The following ARHGAP21 variants were observed in gnomAD, a reference collection of about 807,000 sequenced individuals.
ARHGAP21 encodes Rho GTPase activating protein 21.
In ARHGAP21, 38 loss-of-function variants were observed where a neutral mutation model predicts 164.6. That is an observed-to-expected ratio of 0.23 (90% CI 0.18 to 0.30). The LOEUF is 0.30. Among genes scored for constraint, ARHGAP21 ranks in the 10% least tolerant of loss-of-function variants. The pLI is 1.00. For synonymous variants in ARHGAP21, 766 were observed against 857.9 expected, an observed-to-expected ratio of 0.89 and a Z score of 1.87; for missense variants, 1,822 against 2,370.7, an observed-to-expected ratio of 0.77 and a Z score of 4.81.
At chr10:24,684,147 C>T (rs960674595) in intron 2 of ARHGAP21, among the ~76,000 whole-genome samples, 16 of 152,078 alleles carry the variant, frequency 1.1e-4, no homozygotes, top group Non-Finnish European at 1.5e-4. Context: ...ATTAGCTGGG[C>T]GTGGTGGTGC....
At chr10:24,675,818 T>C (rs545215731) in intron 2 of ARHGAP21, among the ~76,000 whole-genome samples, 1 of 152,258 alleles carries the variant, frequency 6.6e-6, no homozygotes, top group African/African-American at 2.4e-5. Flanking sequence ...CAAAAAGATA[T>C]ATATGTGCGC....
chr10:24,712,796 G>A (rs926880361), intron 2 of ARHGAP21, among the ~76,000 whole-genome samples: 4 of 152,050 alleles, frequency 2.6e-5, no homozygotes, highest in Admixed American at 6.6e-5. Flanking sequence ...TGATATGAAC[G>A]GGGTGCCCAG....
rs141394853 is a variant in ARHGAP21, at chr10:24,645,444, T to C, written c.269-10341A>G. Among the ~76,000 whole-genome samples, 23 of 151,740 alleles carry C rather than the reference T, an allele frequency of 1.5e-4. No individual in the cohort carries two copies. In the East Asian group the frequency reaches 3.1e-3, roughly 21 times the overall value. On this transcript the variant is annotated intron_variant, in intron 4 of 25. Coordinates refer to ENST00000396432, the MANE Select transcript of ARHGAP21 (RefSeq NM_020824.4). ...AAAAAAAATACAAAAATTAGCAGGG[T>C]GTGGTGATGAGCGCCTGTAGTCCCA...
At chr10:24,607,643 G>T (rs1201900981) in intron 10 of ARHGAP21, 42 bp from the exon 11 acceptor site, 13 of 1,610,280 alleles carry the variant, frequency 8.1e-6, no homozygotes, top group Non-Finnish European at 1.0e-5. Context: ...TTCACAAGTG[G>T]TTCCCAGATT....
intron 2 of ARHGAP21, among the ~76,000 whole-genome samples, chr10:24,690,388 C>T (rs977150991): frequency 6.6e-6 from 1 of 152,142 alleles, no homozygotes; most frequent in Admixed American, 6.5e-5. Context: ...ATATTCCAGC[C>T]AACACTGAGT....
chr10:24,693,992 G>C (rs1049587527), intron 2 of ARHGAP21, among the ~76,000 whole-genome samples: 18 of 152,108 alleles, frequency 1.2e-4, no homozygotes, highest in African/African-American at 4.1e-4. Context: ...CCAGCACAGT[G>C]GTCAGGACAA....
intron 9 of ARHGAP21, 116 bp downstream of exon 9, chr10:24,619,357 A>C (rs1324369734): frequency 2.9e-6 from 3 of 1,050,128 alleles, no homozygotes; most frequent in Middle Eastern, 2.6e-4. Context: ...GATTCACTAG[A>C]AACATTTTAA....
chr10:24,630,986 T>C (rs962317159), intron 6 of ARHGAP21, among the ~76,000 whole-genome samples: 1 of 152,234 alleles, frequency 6.6e-6, no homozygotes, highest in Non-Finnish European at 1.5e-5. Flanking sequence ...TTATTTTGGT[T>C]CTGTAAATTT....
At chr10:24,631,223 A>G (rs1835822722) in intron 6 of ARHGAP21, among the ~76,000 whole-genome samples, 1 of 152,026 alleles carries the variant, frequency 6.6e-6, no homozygotes, top group Admixed American at 6.6e-5. Flanking sequence ...AATTAGCTGG[A>G]CGTGGTGGCA....
chr10:24,620,844 A>G lies in ARHGAP21; in HGVS notation c.1051T>C (p.Tyr351His). 8.1e-6 allele frequency: 13 copies of G among 1,614,034 alleles called. No individual in the cohort carries two copies. The highest frequency in any genetic ancestry group is 1.1e-5 in the Non-Finnish European group (13 of 1,179,940). Reference protein sequence around the residue: ...PSGILLKSGNYSGHSDGISSS... With the variant: ...PSGILLKSGNHSGHSDGISSS... ...GAGATTCCATCAGAATGTCCACTGT[A>G]ATTTCCAGACTTAAGTAAAATTCCA... is the stretch of plus-strand genomic sequence containing the variant. The change falls in exon 9 of 26, where the codon TAC (tyrosine) becomes CAC (histidine). Residue 351 changes from tyrosine (Y) to histidine (H), a missense_variant. By Grantham distance (83) the Tyr-to-His change is moderately conservative. Coordinates refer to ENST00000396432, the MANE Select transcript of ARHGAP21 (RefSeq NM_020824.4).
intron 4 of ARHGAP21, among the ~76,000 whole-genome samples, chr10:24,659,864 T>G (rs1338032812): frequency 6.6e-6 from 1 of 152,224 alleles, no homozygotes; most frequent in Non-Finnish European, 1.5e-5. Flanking sequence ...TGAGTTGTAG[T>G]CCAGTTCTGC....
chr10:24,704,289 CT>C (rs201080039), intron 2 of ARHGAP21, among the ~76,000 whole-genome samples: 1,373 of 125,964 alleles, frequency 0.011, 7 homozygotes, highest in African/African-American at 0.015. Context: ...TTTTTCTTTT[CT>C]TTTTTTTTTT....
intron 2 of ARHGAP21, among the ~76,000 whole-genome samples, chr10:24,685,762 G>C (rs1842156155): frequency 6.6e-6 from 1 of 152,154 alleles, no homozygotes; most frequent in South Asian, 2.1e-4. Context: ...AGTAATCCCA[G>C]CTACTCAGGA....
chr10:24,649,109 C>T lies in ARHGAP21; in HGVS notation c.269-14006G>A, dbSNP rs569022784. On this transcript the variant is annotated intron_variant, in intron 4 of 25. Coordinates refer to ENST00000396432, the MANE Select transcript of ARHGAP21 (RefSeq NM_020824.4). ...AAATATTACCCATAATAGCAAACTA[C>T]AGATAACTTGGTAATTTTATTATAA... Among the ~76,000 whole-genome samples, 4 of 152,296 alleles carry T rather than the reference C, an allele frequency of 2.6e-5. No individual in the cohort carries two copies. The East Asian group carries it at 7.7e-4, about 29-fold the overall frequency.
chr10:24,606,180 A>T (rs576833575), intron 11 of ARHGAP21, among the ~76,000 whole-genome samples: 11 of 152,174 alleles, frequency 7.2e-5, no homozygotes, highest in Non-Finnish European at 1.5e-4. Context: ...ATACAATATG[A>T]CTCAAAATTC....
intron 2 of ARHGAP21, among the ~76,000 whole-genome samples, chr10:24,682,877 C>T (rs1051100445): frequency 6.6e-6 from 1 of 151,772 alleles, no homozygotes; most frequent in African/African-American, 2.4e-5. Context: ...AGGCGGATCA[C>T]GAGGTCAGGA....
chr10:24,672,095 C>T (rs576685534), intron 2 of ARHGAP21, among the ~76,000 whole-genome samples: 7 of 151,770 alleles, frequency 4.6e-5, no homozygotes, highest in South Asian at 2.1e-4. Flanking sequence ...TTCTCTTTGG[C>T]GCAAAACTCC....
chr10:24,584,720 G>A lies in ARHGAP21; in HGVS notation c.5569C>T (p.Arg1857Cys), dbSNP rs774267791. 65 of 1,613,812 alleles carry A rather than the reference G, an allele frequency of 4.0e-5. No homozygotes were observed. Among genetic ancestry groups the A allele is most frequent in the Admixed American group, 2.7e-4 (16 of 59,992 alleles). Reference sequence around the variant, plus strand: ...AGGTCAGAGGTACTGGTGCGTAGGCGTTCCCTGGCCAGCCAGTCTGAGATG... The same window carrying A: ...AGGTCAGAGGTACTGGTGCGTAGGCATTCCCTGGCCAGCCAGTCTGAGATG... Reference protein sequence around the residue: ...LSISDWLARERLRTSTSDLSR... With the variant: ...LSISDWLARECLRTSTSDLSR... The change falls in exon 26 of 26, where the codon CGC (arginine) becomes TGC (cysteine). Residue 1857 changes from arginine (R) to cysteine (C), a missense_variant. Physicochemically the swap from Arg to Cys is radical, Grantham distance 180 (BLOSUM62 -3). This residue lies in a region of ARHGAP21 where 165 missense variants were observed against 176.6 expected (regional missense o/e 0.93). Coordinates refer to ENST00000396432, the MANE Select transcript of ARHGAP21 (RefSeq NM_020824.4).
chr10:24,628,870 C>T (rs1201969858), intron 7 of ARHGAP21: 1 of 107,134 alleles, frequency 9.3e-6, no homozygotes, highest in African/African-American at 3.8e-5. Context: ...CACATATATA[C>T]ATACATATAT....
Sources: allele counts gnomAD v4.1 joint callset (sites outside exome capture counted in the v4.1 genomes callset), GRCh38; gene constraint gnomAD v4.1.1; regional missense constraint gnomAD v4.1.1; transcripts MANE v1.5; gene names NCBI Gene and HGNC (gene_info 2026-07-23, HGNC 2026-07-21).